CADPS2: variants seen among roughly 807,000 people sequenced by gnomAD.
CADPS2 encodes calcium dependent secretion activator 2, also known as calcium-dependent secretion activator 2.
CADPS2 carries 93 observed loss-of-function variants against 172.5 expected under a neutral mutation model. The ratio of observed to expected loss-of-function variants is 0.54; its 90% CI spans 0.46 to 0.64. The LOEUF (loss-of-function observed/expected upper bound fraction) is 0.64. CADPS2 is among the 30% of genes least tolerant of loss of function. The pLI is 0.00. For missense variants in CADPS2, 1,420 were observed against 1,565.9 expected, an observed-to-expected ratio of 0.91 and a Z score of 1.57; for synonymous variants, 546 against 555.2, an observed-to-expected ratio of 0.98 and a Z score of 0.23.
At chr7:122,790,775 G>C (rs2139672704) in intron 1 of CADPS2, among the ~76,000 whole-genome samples, 1 of 152,196 alleles carries the variant, frequency 6.6e-6, no homozygotes, top group South Asian at 2.1e-4. Context: ...TGCAATGCAT[G>C]ACTAGTTCTG....
chr7:122,484,327 C>A (rs151153315), intron 11 of CADPS2, among the ~76,000 whole-genome samples: 22 of 151,948 alleles, frequency 1.4e-4, no homozygotes, highest in Admixed American at 3.9e-4. Flanking sequence ...ATAAACTGAC[C>A]AAAGAAAGGA....
At chr7:122,878,728 AAAG>A (rs1169719136) in intron 1 of CADPS2, among the ~76,000 whole-genome samples, 2 of 152,044 alleles carry the variant, frequency 1.3e-5, no homozygotes, top group Non-Finnish European at 2.9e-5. Context: ...AAATTTGAAA[AAAG>A]AATTAAATTA....
At chr7:122,802,520 G>A (rs879286119) in intron 1 of CADPS2, among the ~76,000 whole-genome samples, 8 of 152,186 alleles carry the variant, frequency 5.3e-5, no homozygotes, top group Non-Finnish European at 8.8e-5. Flanking sequence ...ATACACCCTA[G>A]GTGTGATCTA....
At chr7:122,454,867 T>C (rs2053570728) in intron 14 of CADPS2, among the ~76,000 whole-genome samples, 1 of 152,158 alleles carries the variant, frequency 6.6e-6, no homozygotes, top group Non-Finnish European at 1.5e-5. Flanking sequence ...TATCCACCAC[T>C]GATCCACTGA....
chr7:122,628,317 C>T (rs767979502), intron 4 of CADPS2, among the ~76,000 whole-genome samples: 1 of 151,954 alleles, frequency 6.6e-6, no homozygotes, highest in Non-Finnish European at 1.5e-5. Flanking sequence ...TGGGATATAA[C>T]TTCTTGAATG....
At chr7:122,401,021 G>A (rs991508942) in intron 20 of CADPS2, among the ~76,000 whole-genome samples, 1 of 152,140 alleles carries the variant, frequency 6.6e-6, no homozygotes, top group African/African-American at 2.4e-5. Flanking sequence ...GATAATGAGA[G>A]GTGACTTTGC....
At chr7:122,766,324 T>C (rs1372257018) in intron 1 of CADPS2, among the ~76,000 whole-genome samples, 1 of 152,136 alleles carries the variant, frequency 6.6e-6, no homozygotes, top group Non-Finnish European at 1.5e-5. Context: ...ATCCAAACCA[T>C]ACACACAATA....
chr7:122,359,579 A>G (rs1006212931), intron 27 of CADPS2, among the ~76,000 whole-genome samples: 1 of 152,140 alleles, frequency 6.6e-6, no homozygotes, highest in African/African-American at 2.4e-5. Flanking sequence ...GTGTGTTACA[A>G]AGTCCAATGT....
chr7:122,719,795 GA>G (rs1158897732), intron 2 of CADPS2, among the ~76,000 whole-genome samples: 6 of 151,724 alleles, frequency 4.0e-5, no homozygotes, highest in African/African-American at 7.3e-5. Flanking sequence ...CAAGGTGATT[GA>G]AAAAAATCAT....
intron 2 of CADPS2, among the ~76,000 whole-genome samples, chr7:122,703,339 G>A (rs1228657083): frequency 6.6e-6 from 1 of 151,938 alleles, no homozygotes; most frequent in Non-Finnish European, 1.5e-5. Flanking sequence ...CATTCTGTGG[G>A]ATGGTTCAAC....
At chr7:122,398,602 A>G (rs1420848486) in intron 20 of CADPS2, among the ~76,000 whole-genome samples, 1 of 152,226 alleles carries the variant, frequency 6.6e-6, no homozygotes, top group Non-Finnish European at 1.5e-5. Context: ...AAGAAAATTA[A>G]TAAGTCGCTC....
chr7:122,401,374 G>A (rs2045933923), intron 20 of CADPS2, among the ~76,000 whole-genome samples: 1 of 152,210 alleles, frequency 6.6e-6, no homozygotes, highest in African/African-American at 2.4e-5. Flanking sequence ...CAATAGAATG[G>A]TCATTTGCCA....
intron 3 of CADPS2, among the ~76,000 whole-genome samples, chr7:122,643,356 T>A (rs773153397): frequency 1.3e-5 from 2 of 152,248 alleles, no homozygotes; most frequent in Non-Finnish European, 2.9e-5. Context: ...CCCAACTGAC[T>A]GTGATCATTT....
chr7:122,792,139 C>G (rs1229005732), intron 1 of CADPS2, among the ~76,000 whole-genome samples: 2 of 152,152 alleles, frequency 1.3e-5, no homozygotes, highest in African/African-American at 4.8e-5. Flanking sequence ...GAGGATACCA[C>G]AGTTATTCTG....
At chr7:122,463,128 G>A (rs2054670270) in intron 14 of CADPS2, among the ~76,000 whole-genome samples, 1 of 152,010 alleles carries the variant, frequency 6.6e-6, no homozygotes, top group Admixed American at 6.6e-5. Context: ...AATCCTGTTT[G>A]CACTGCCTAA....
intron 28 of CADPS2, among the ~76,000 whole-genome samples, chr7:122,329,105 A>T (rs749255399): frequency 5.3e-5 from 8 of 152,192 alleles, no homozygotes; most frequent in Non-Finnish European, 1.2e-4. Flanking sequence ...GTTGCCACTG[A>T]CTATGGAAAT....
At chr7:122,521,351 G>C (rs1001743008) in intron 8 of CADPS2, among the ~76,000 whole-genome samples, 3 of 151,886 alleles carry the variant, frequency 2.0e-5, no homozygotes, top group Non-Finnish European at 4.4e-5. Context: ...AACCAATAGG[G>C]ACCAAATGCC....
chr7:122,557,614 C>T (rs1460234350), intron 7 of CADPS2, among the ~76,000 whole-genome samples: 2 of 152,146 alleles, frequency 1.3e-5, no homozygotes, highest in African/African-American at 4.8e-5. Context: ...CCACTGCTAG[C>T]TGTGACACAG....
intron 20 of CADPS2, among the ~76,000 whole-genome samples, chr7:122,398,583 C>G (rs1563235985): frequency 6.6e-6 from 1 of 152,182 alleles, no homozygotes; most frequent in African/African-American, 2.4e-5. Flanking sequence ...AATGCAAGCA[C>G]AGTGGACTAA....
Sources: allele counts gnomAD v4.1 joint callset (sites outside exome capture counted in the v4.1 genomes callset), GRCh38; gene constraint gnomAD v4.1.1; transcripts MANE v1.5; gene names NCBI Gene and HGNC (gene_info 2026-07-23, HGNC 2026-07-21).